NRXN1: variants seen among roughly 807,000 people sequenced by gnomAD.
The protein encoded by NRXN1 is neurexin 1.
In NRXN1, 39 loss-of-function variants were observed where a neutral mutation model predicts 150.9. The ratio of observed to expected loss-of-function variants is 0.26; its 90% CI spans 0.20 to 0.34. The LOEUF (loss-of-function observed/expected upper bound fraction) is 0.34. NRXN1 is among the 10% of genes least tolerant of loss of function. The pLI, the probability that NRXN1 is intolerant of heterozygous loss-of-function variation, is 1.00. For missense variants in NRXN1, 1,815 were observed against 1,949.9 expected (o/e 0.93, Z 1.30); for synonymous variants, 924 against 757.0 (o/e 1.22, Z -3.62).
In NRXN1 at chr2:50,346,845, C is replaced by G. The variant is rs2078022809; in HGVS notation, c.3365-109875G>C. The stretch of plus-strand genomic sequence containing the variant: ...GGCCGCTGAGGGTGAGCGGGACTAT[C>G]CAAAGCAGGGCCAGGCGCCCCCCTG... On this transcript the variant is annotated intron_variant, in intron 17 of 22. Transcript: ENST00000401669. This position sits in a 1 kb window ranked among gnomAD's most constrained non-coding sequence, Gnocchi z 5.0. 11 of 1,601,054 alleles carry G rather than the reference C, an allele frequency of 6.9e-6. 1 individual carries two copies. Among genetic ancestry groups the G allele is most frequent in the Non-Finnish European group, 9.4e-6 (11 of 1,174,260 alleles).
At chr2:50,327,693 G>A (rs576024441) in intron 17 of NRXN1, among the ~76,000 whole-genome samples, 5 of 147,368 alleles carry the variant, frequency 3.4e-5, no homozygotes, top group African/African-American at 1.0e-4. Flanking sequence ...TCTTTCACCC[G>A]GGCTGAAGTG....
intron 17 of NRXN1, among the ~76,000 whole-genome samples, chr2:50,412,259 T>C (rs1367270836): frequency 1.3e-5 from 2 of 151,982 alleles, no homozygotes; most frequent in African/African-American, 2.4e-5. Context: ...ACTATTGTCC[T>C]ATGACCCTGC....
intron 2 of NRXN1, chr2:50,964,038 A>G (rs1693651261): frequency 2.4e-6 from 1 of 415,310 alleles, no homozygotes; most frequent in Non-Finnish European, 4.8e-6. Context: ...TTTGCCTACT[A>G]TGCAGAAGAA....
In NRXN1 at chr2:50,587,526, T is replaced by G. The variant is rs796354964; in HGVS notation, c.1320+32496A>C. 9.9e-5 allele frequency among the ~76,000 whole-genome samples: 15 copies of G among 152,240 alleles called. 1 individual carries two copies. Among genetic ancestry groups the G allele is most frequent in the African/African-American group, 3.6e-4 (15 of 41,546 alleles). The stretch of plus-strand genomic sequence containing the variant: ...TTTTCCCTATTGCAGAAAGTTGCCT[T>G]GTAACTGAAAACCAAGACTCATACC... On this transcript the variant is annotated intron_variant, in intron 8 of 22. Transcript: ENST00000401669.
At chr2:50,829,689 C>T (rs554099621) in intron 5 of NRXN1, 475 of 1,607,290 alleles carry the variant, frequency 3.0e-4, no homozygotes, top group Non-Finnish European at 3.8e-4. Flanking sequence ...CGGAGCGCCG[C>T]GCCAGGCCGC....
At chr2:50,395,096 T>C (rs191827298) in intron 17 of NRXN1, among the ~76,000 whole-genome samples, 288 of 152,252 alleles carry the variant, frequency 1.9e-3, no homozygotes, top group Non-Finnish European at 3.4e-3. Context: ...GGTATTATAT[T>C]ATACTCACAT....
chr2:50,540,481 C>T (rs561140705), intron 9 of NRXN1, among the ~76,000 whole-genome samples: 1 of 152,114 alleles, frequency 6.6e-6, no homozygotes, highest in South Asian at 2.1e-4. Flanking sequence ...TTTATATAGC[C>T]CTATTCAAAA....
intron 17 of NRXN1, among the ~76,000 whole-genome samples, chr2:50,266,429 A>G (rs1320726626): frequency 6.8e-6 from 1 of 147,918 alleles, no homozygotes; most frequent in Non-Finnish European, 1.5e-5. Flanking sequence ...AAATTTTTAT[A>G]TATGCATTAT....
chr2:50,036,219 T>C (rs1188591100), intron 21 of NRXN1, among the ~76,000 whole-genome samples: 2 of 152,132 alleles, frequency 1.3e-5, no homozygotes, highest in African/African-American at 4.8e-5. Flanking sequence ...CTCATGATAT[T>C]GCGTGAGTTC....
chr2:49,953,118 C>T (rs142216806), intron 21 of NRXN1, among the ~76,000 whole-genome samples: 88 of 152,220 alleles, frequency 5.8e-4, no homozygotes, highest in Non-Finnish European at 7.5e-4. Flanking sequence ...TAAACTTTAA[C>T]TTGGGGATAG....
chr2:50,449,940 G>C (rs1290296544), intron 17 of NRXN1, among the ~76,000 whole-genome samples: 2 of 152,162 alleles, frequency 1.3e-5, no homozygotes, highest in African/African-American at 2.4e-5. Flanking sequence ...CTGACTCTCA[G>C]ATATGTTAAT....
At position 50,945,912 on chromosome 2, in the gene NRXN1, AC is replaced by A. The variant is rs1392132596; in HGVS notation, c.773-19958del. ...TATATATATATATACACACACACACACACACACACATCTTTACTTGTAAAGT... is the reference window on the plus strand; with the variant it reads ...TATATATATATATACACACACACACAACACACACATCTTTACTTGTAAAGT... On this transcript the variant is annotated intron_variant, in intron 2 of 22. Coordinates refer to ENST00000401669, the MANE Select transcript of NRXN1 (RefSeq NM_001330078.2). Among the ~76,000 whole-genome samples the A allele has an allele frequency of 8.0e-5, 11 of 138,230 alleles. No homozygotes were observed. In the Admixed American group the frequency reaches 8.7e-4, roughly 11 times the overall value. 90.7% of individuals were successfully genotyped at this position (138,230 alleles called of 152,430 possible). A position where few individuals can be genotyped will look rare whatever the true frequency, so the allele number is the denominator to read the frequency against.
chr2:50,896,796 A>C (rs142510110), intron 5 of NRXN1, among the ~76,000 whole-genome samples: 10,408 of 151,964 alleles, frequency 0.068, 452 homozygotes, highest in Middle Eastern at 0.13. Flanking sequence ...GCAGTGAGCC[A>C]GGATTGTGCC....
chr2:49,971,324 T>C lies in NRXN1; in HGVS notation c.4129-27533A>G, dbSNP rs894117641. ...TATGGAAGTGACACAGACAGTAGCA[T>C]TTCATCCCAGAACATCTTTAATATG... is the stretch of plus-strand genomic sequence containing the variant. On this transcript the variant is annotated intron_variant, in intron 21 of 22. Transcript: ENST00000401669. Among the ~76,000 whole-genome samples, 5 of 152,292 alleles carry C rather than the reference T, an allele frequency of 3.3e-5. 1 individual carries two copies. Among genetic ancestry groups the C allele is most frequent in the Non-Finnish European group, 2.9e-5 (2 of 68,008 alleles).
intron 8 of NRXN1, among the ~76,000 whole-genome samples, chr2:50,590,419 T>A (rs900074641): frequency 1.4e-4 from 21 of 152,178 alleles, no homozygotes; most frequent in African/African-American, 4.8e-4. Flanking sequence ...TATAGACTAT[T>A]CTGTTAGTAT....
intron 5 of NRXN1, among the ~76,000 whole-genome samples, chr2:50,834,575 T>G (rs1671847510): frequency 6.6e-6 from 1 of 152,134 alleles, no homozygotes; most frequent in South Asian, 2.1e-4. Flanking sequence ...TAAGAATAAT[T>G]GGTACGTGAT....
intron 21 of NRXN1, among the ~76,000 whole-genome samples, chr2:49,947,503 CTTTTTTTTTTCTTTT>C (rs1020833695): frequency 2.5e-4 from 33 of 134,074 alleles, no homozygotes; most frequent in Non-Finnish European, 4.3e-4. Flanking sequence ...TTTTTTCTTT[CTTTTTTTTTTCTTTT>C]TTTTTTTTTT....
At chr2:50,342,624 A>C (rs2077629990) in intron 17 of NRXN1, among the ~76,000 whole-genome samples, 1 of 152,270 alleles carries the variant, frequency 6.6e-6, no homozygotes, top group African/African-American at 2.4e-5. Context: ...AGTAATCTGC[A>C]GGACTCCAGT....
intron 21 of NRXN1, among the ~76,000 whole-genome samples, chr2:49,956,307 C>T (rs1466829855): frequency 6.6e-6 from 1 of 152,142 alleles, no homozygotes; most frequent in Non-Finnish European, 1.5e-5. Flanking sequence ...CAAAGATGTT[C>T]TATGTTCTCT....
Sources: allele counts gnomAD v4.1 joint callset (sites outside exome capture counted in the v4.1 genomes callset), GRCh38; gene constraint gnomAD v4.1.1; non-coding constraint Gnocchi (gnomAD v3.1); transcripts MANE v1.5; gene names NCBI Gene and HGNC (gene_info 2026-07-23, HGNC 2026-07-21).